The following INSYN1 variants were observed in gnomAD, a reference collection of about 807,000 sequenced individuals.
The protein encoded by INSYN1 is UPF0583 protein C15orf59.
In INSYN1, 7 loss-of-function variants were observed where a neutral mutation model predicts 17.1. That is an observed-to-expected ratio of 0.41 (90% confidence interval 0.23 to 0.77). The LOEUF (loss-of-function observed/expected upper bound fraction) is 0.77. Ranked by LOEUF, INSYN1 falls within the 30% of genes least tolerant of loss-of-function variation. The probability of loss-of-function intolerance (pLI) is 0.32; values close to 1 mark genes in which losing one functional copy is unlikely to be tolerated. For missense variants in INSYN1, 339 were observed against 400.6 expected (o/e 0.85, Z 1.31); for synonymous variants, 174 against 166.3 (o/e 1.05, Z -0.36).
In INSYN1 at chr15:73,751,240, C is replaced by T; in HGVS notation, c.-110G>A. 2.2e-6 allele frequency: 3 copies of T among 1,351,232 alleles called. No individual in the cohort carries two copies. The highest frequency in any genetic ancestry group is 2.7e-5 in the South Asian group (2 of 74,808). 83.7% of individuals were successfully genotyped at this position (1,351,232 alleles called of 1,614,324 possible). ...GGGCAGAGCTCCACATTTTAACGGC[C>T]CCCCAGCCCACCCTGGCCCTGGGCG... On this transcript the variant is annotated 5_prime_UTR_variant, in exon 2 of 3. Transcript: ENST00000569673.
At position 73,739,876 on chromosome 15, in the gene INSYN1, T is replaced by G. The variant is rs1032704104; in HGVS notation, c.*41A>C. 1 of 623,244 alleles carries G rather than the reference T, an allele frequency of 1.6e-6. No homozygotes were observed. Among genetic ancestry groups the G allele is most frequent in the African/African-American group, 1.8e-5 (1 of 54,162 alleles). The allele number at this position is 623,244 out of a possible 1,614,324, so 38.6% of individuals were successfully genotyped here. A position where few individuals can be genotyped will look rare whatever the true frequency, so the allele number is the denominator to read the frequency against. ...ATATATATATATATATATTTATTTA[T>G]AGCTCTATGTGCCCACCGCCCCCGG... On this transcript the variant is annotated 3_prime_UTR_variant, in exon 3 of 3. Transcript: ENST00000569673.
In INSYN1 at chr15:73,738,860, T is replaced by G. The variant is rs1596035003; in HGVS notation, c.*1057A>C. 1 of 152,364 alleles carries G rather than the reference T, an allele frequency of 6.6e-6. No individual in the cohort carries two copies. The highest frequency in any genetic ancestry group is 1.9e-4 in the East Asian group (1 of 5,188). The allele number at this position is 152,364 out of a possible 1,614,324, so 9.4% of individuals were successfully genotyped here. On this transcript the variant is annotated 3_prime_UTR_variant, in exon 3 of 3. Transcript: ENST00000569673. Reference sequence around the variant, plus strand: ...AATGTGAGCAATATAATTGTCATTATTATCCCAAGGATATTCAGCTGCTGT... The same window carrying G: ...AATGTGAGCAATATAATTGTCATTAGTATCCCAAGGATATTCAGCTGCTGT...
Position 73,750,955 on chromosome 15 carries a change from C to G in INSYN1, c.156+20G>C. ...AGGTTGGCTTAGGGTCTGTCTGGTCCCTCCTCACCCCTCACTTACCTCCCT... is the reference window on the plus strand; with the variant it reads ...AGGTTGGCTTAGGGTCTGTCTGGTCGCTCCTCACCCCTCACTTACCTCCCT... On this transcript the variant is annotated intron_variant, in intron 2 of 2. Coordinates refer to ENST00000569673, the MANE Select transcript of INSYN1 (RefSeq NM_001039614.3). 6.2e-7 allele frequency: 1 copy of G among 1,613,712 alleles called. No homozygotes were observed. The highest frequency in any genetic ancestry group is 1.3e-5 in the African/African-American group (1 of 74,996).
Position 73,740,035 on chromosome 15 carries a change from G to T in INSYN1, c.764C>A (p.Ala255Asp), listed in dbSNP as rs770954278. 6.2e-7 allele frequency: 1 copy of T among 1,613,690 alleles called. No individual in the cohort carries two copies. Among genetic ancestry groups the T allele is most frequent in the East Asian group, 2.2e-5 (1 of 44,832 alleles). Reference protein sequence around the residue: ...LTSRHSGSTLAPEQTRRVTRN... With the variant: ...LTSRHSGSTLDPEQTRRVTRN... ...CGTGACCCTTCGAGTCTGTTCAGGGGCCAAGGTAGAGCCTGAGTGGCGGCT... is the reference window on the plus strand; with the variant it reads ...CGTGACCCTTCGAGTCTGTTCAGGGTCCAAGGTAGAGCCTGAGTGGCGGCT... Residue 255 changes from alanine to aspartate, a missense_variant, in exon 3 of 3, where the codon GCC (alanine) becomes GAC (aspartate). Transcript: ENST00000569673.
At position 73,749,321 on chromosome 15, in the gene INSYN1, T is replaced by G. The variant is rs57292194; in HGVS notation, c.156+1654A>C. 1.3e-4 allele frequency among the ~76,000 whole-genome samples: 20 copies of G among 152,202 alleles called. 1 individual carries two copies. The highest frequency in any genetic ancestry group is 1.0e-3 in the South Asian group (5 of 4,812). ...CCCCTATTGCTCTCTGGGCCTCAGT[T>G]TCTTCAATAGTAAATGGACAGAGCT... is the stretch of plus-strand genomic sequence containing the variant. On this transcript the variant is annotated intron_variant, in intron 2 of 2. Coordinates refer to ENST00000569673, the MANE Select transcript of INSYN1 (RefSeq NM_001039614.3).
chr15:73,743,876 TA>T (rs1281839287), intron 2 of INSYN1, among the ~76,000 whole-genome samples: 1 of 102,508 alleles, frequency 9.8e-6, no homozygotes, highest in Non-Finnish European at 2.2e-5. Context: ...AAAGAAAATT[TA>T]ACAGATATGA....
At position 73,738,269 on chromosome 15, in the gene INSYN1, T is replaced by C. The variant is rs1342080282; in HGVS notation, c.*1648A>G. 6.6e-6 allele frequency: 1 copy of C among 152,346 alleles called. No homozygotes were observed. Among genetic ancestry groups the C allele is most frequent in the Admixed American group, 6.5e-5 (1 of 15,288 alleles). 9.4% of individuals were successfully genotyped at this position (152,346 alleles called of 1,614,324 possible). ...AACGGACTTGCCAAGGTCACACAGC[T>C]GCTAGCTAGCAGAGCCAGGCACAGC... On this transcript the variant is annotated 3_prime_UTR_variant, in exon 3 of 3. Coordinates refer to ENST00000569673, the MANE Select transcript of INSYN1 (RefSeq NM_001039614.3).
chr15:73,740,722 A>C, intron 2 of INSYN1, 80 bp from the exon 3 acceptor site: 1 of 1,114,678 alleles, frequency 9.0e-7, no homozygotes, highest in Non-Finnish European at 1.3e-6. Context: ...TCTCCACCCC[A>C]TCCCTGTAGA....
intron 2 of INSYN1, among the ~76,000 whole-genome samples, chr15:73,744,673 T>A (rs1901775947): frequency 6.6e-6 from 1 of 152,202 alleles, no homozygotes; most frequent in South Asian, 2.1e-4. Context: ...ATAATCATTT[T>A]GCCTACATGT....
chr15:73,748,146 C>T (rs1015863389), intron 2 of INSYN1, among the ~76,000 whole-genome samples: 3 of 152,110 alleles, frequency 2.0e-5, no homozygotes, highest in African/African-American at 7.2e-5. Flanking sequence ...TCACCACATC[C>T]CAATTTCAGA....
chr15:73,751,208 C>G lies in INSYN1; in HGVS notation c.-78G>C. On this transcript the variant is annotated 5_prime_UTR_variant, in exon 2 of 3. Coordinates refer to ENST00000569673, the MANE Select transcript of INSYN1 (RefSeq NM_001039614.3). ...CTGCGTCTGCCTCCACGGAGCCCCC[C>G]TCGGCTGGGCAGAGCTCCACATTTT... 2 of 1,541,036 alleles carry G rather than the reference C, an allele frequency of 1.3e-6. No individual in the cohort carries two copies. Among genetic ancestry groups the G allele is most frequent in the East Asian group, 2.4e-5 (1 of 42,540 alleles).
chr15:73,747,288 T>G (rs1292581695), intron 2 of INSYN1, among the ~76,000 whole-genome samples: 1 of 152,090 alleles, frequency 6.6e-6, no homozygotes, highest in Non-Finnish European at 1.5e-5. Flanking sequence ...TCACTCTCTA[T>G]CTGCTTTTCC....
intron 2 of INSYN1, among the ~76,000 whole-genome samples, chr15:73,747,919 A>ATC (rs1164995928): frequency 6.6e-6 from 1 of 152,094 alleles, no homozygotes; most frequent in Non-Finnish European, 1.5e-5. Flanking sequence ...ACCTCACTTA[A>ATC]TCCTTTAAAA....
At position 73,740,280 on chromosome 15, in the gene INSYN1, G is replaced by C; in HGVS notation, c.519C>G (p.Ser173Arg). The C allele has an allele frequency of 1.9e-6, 3 of 1,613,594 alleles. No individual in the cohort carries two copies. The highest frequency in any genetic ancestry group is 2.5e-6 in the Non-Finnish European group (3 of 1,179,932). ...EAFGAGPTVK[S>R]QLPQRTPGTR... ...TCCCTGGGGTCCGCTGGGGCAGCTG[G>C]CTCTTCACCGTGGGGCCAGCACCAA... Residue 173 changes from serine (S) to arginine (R), a missense_variant, in exon 3 of 3, where the codon AGC becomes AGG. Transcript: ENST00000569673.
chr15:73,750,946 T>C lies in INSYN1; in HGVS notation c.156+29A>G. 4 of 1,613,462 alleles carry C rather than the reference T, an allele frequency of 2.5e-6. 1 individual carries two copies. The highest frequency in any genetic ancestry group is 3.4e-6 in the Non-Finnish European group (4 of 1,179,602). On this transcript the variant is annotated intron_variant, in intron 2 of 2. Coordinates refer to ENST00000569673, the MANE Select transcript of INSYN1 (RefSeq NM_001039614.3). ...AACCCAAGAAGGTTGGCTTAGGGTC[T>C]GTCTGGTCCCTCCTCACCCCTCACT...
intron 2 of INSYN1, among the ~76,000 whole-genome samples, chr15:73,747,828 G>A (rs1901877446): frequency 6.6e-6 from 1 of 152,210 alleles, no homozygotes; most frequent in South Asian, 2.1e-4. Context: ...GGGAGCCTGG[G>A]AGAGATAAGG....
intron 2 of INSYN1, among the ~76,000 whole-genome samples, chr15:73,749,528 C>T (rs1470458385): frequency 1.3e-5 from 2 of 152,178 alleles, no homozygotes; most frequent in African/African-American, 4.8e-5. Context: ...GTCTCATGTC[C>T]CTGGCCAAGA....
chr15:73,742,723 C>T (rs1439677564), intron 2 of INSYN1, among the ~76,000 whole-genome samples: 1 of 152,116 alleles, frequency 6.6e-6, no homozygotes, highest in Non-Finnish European at 1.5e-5. Context: ...GCCTTCCTGC[C>T]CCAAAGGAAC....
At chr15:73,742,547 T>A (rs1901715659) in intron 2 of INSYN1, among the ~76,000 whole-genome samples, 1 of 151,774 alleles carries the variant, frequency 6.6e-6, no homozygotes, top group African/African-American at 2.4e-5. Flanking sequence ...AGATGAGGAG[T>A]CTTGGGCACT....
Sources: gnomAD v4.1 joint callset for allele counts (sites outside exome capture counted in the v4.1 genomes callset) on GRCh38, gnomAD v4.1.1 for gene constraint, MANE v1.5 for transcripts, NCBI Gene and HGNC (gene_info 2026-07-23, HGNC 2026-07-21) for gene names.